UBE3C: variants seen among roughly 807,000 people sequenced by gnomAD.
UBE3C encodes the protein ubiquitin protein ligase E3C.
In UBE3C, 42 loss-of-function variants were observed where a neutral mutation model predicts 129.4. That is an observed-to-expected ratio of 0.32 (90% confidence interval 0.25 to 0.42). The LOEUF is 0.42. Ranked by LOEUF, UBE3C falls within the 10% of genes least tolerant of loss-of-function variation. UBE3C has a pLI of 1.00. For synonymous variants in UBE3C, 510 were observed against 492.4 expected (o/e 1.04, Z -0.47); for missense variants, 1,049 against 1,319.1 (o/e 0.80, Z 3.17).
At chr7:157,234,200 C>T (rs765820654) in intron 18 of UBE3C, among the ~76,000 whole-genome samples, 3 of 152,096 alleles carry the variant, frequency 2.0e-5, no homozygotes, top group Non-Finnish European at 4.4e-5. Context: ...TGAAGTCTAA[C>T]GTGTTTTTTT....
intron 10 of UBE3C, among the ~76,000 whole-genome samples, chr7:157,196,498 T>C (rs1213698451): frequency 5.9e-5 from 9 of 152,228 alleles, no homozygotes; most frequent in Admixed American, 5.9e-4. Flanking sequence ...TACACTAGTC[T>C]TGTTCTGGAG....
chr7:157,216,307 C>G (rs1354526038), intron 13 of UBE3C, among the ~76,000 whole-genome samples: 1 of 150,660 alleles, frequency 6.6e-6, no homozygotes, highest in Admixed American at 6.6e-5. Flanking sequence ...TTAGAGGTAT[C>G]TTTCATTAGA....
chr7:157,205,472 G>A lies in UBE3C; in HGVS notation c.1419-1926G>A, dbSNP rs555434115. 4.6e-5 allele frequency among the ~76,000 whole-genome samples: 7 copies of A among 152,254 alleles called. 1 individual carries two copies. In the South Asian group the frequency reaches 1.5e-3, roughly 32 times the overall value. Reference sequence around the variant, plus strand: ...AGGATTCTTGTCGGGGATAACAGTGGAAAGCAGGCTCATCAAGACGCAGGA... The same window carrying A: ...AGGATTCTTGTCGGGGATAACAGTGAAAAGCAGGCTCATCAAGACGCAGGA... On this transcript the variant is annotated intron_variant, in intron 11 of 22. Coordinates refer to ENST00000348165, the MANE Select transcript of UBE3C (RefSeq NM_014671.3).
intron 10 of UBE3C, among the ~76,000 whole-genome samples, chr7:157,188,459 T>G (rs1297473807): frequency 6.6e-6 from 1 of 152,228 alleles, no homozygotes; most frequent in Non-Finnish European, 1.5e-5. Context: ...CCTTAGCTCT[T>G]TGCCGGCTAA....
intron 2 of UBE3C, chr7:157,164,607 A>ATTT (rs1395520097): frequency 5.6e-6 from 2 of 360,216 alleles, no homozygotes; most frequent in African/African-American, 4.3e-5. Flanking sequence ...AAATAGCTTT[A>ATTT]TTTTGTTGAT....
intron 9 of UBE3C, among the ~76,000 whole-genome samples, chr7:157,185,383 T>C (rs539239456): frequency 6.6e-6 from 1 of 152,370 alleles, no homozygotes; most frequent in East Asian, 1.9e-4. Context: ...TATTCTTTTT[T>C]AATACATAAG....
rs907823535 is a variant in UBE3C, at chr7:157,213,452, A to C, written c.1810-3415A>C. Among the ~76,000 whole-genome samples, 3 of 152,370 alleles carry C rather than the reference A, an allele frequency of 2.0e-5. No homozygotes were observed. In the East Asian group the frequency reaches 5.8e-4, roughly 29 times the overall value. On this transcript the variant is annotated intron_variant, in intron 13 of 22. Coordinates refer to ENST00000348165, the MANE Select transcript of UBE3C (RefSeq NM_014671.3). ...CTCCAGGTGATTCTAAAATGCAGCAAAGGTTAAGAGCCACAGGCCTAACCC... is the reference window on the plus strand; with the variant it reads ...CTCCAGGTGATTCTAAAATGCAGCACAGGTTAAGAGCCACAGGCCTAACCC...
intron 17 of UBE3C, among the ~76,000 whole-genome samples, chr7:157,229,116 C>G (rs1027365386): frequency 1.3e-5 from 2 of 152,192 alleles, no homozygotes; most frequent in African/African-American, 4.8e-5. Context: ...TTGCTTTCCC[C>G]TGACTTCATG....
At chr7:157,250,843 G>C (rs553874960) in intron 19 of UBE3C, among the ~76,000 whole-genome samples, 3 of 152,136 alleles carry the variant, frequency 2.0e-5, no homozygotes, top group Admixed American at 2.0e-4. Flanking sequence ...GCCTTCGGAC[G>C]GTGAGTGTTG....
chr7:157,261,921 C>G (rs977398219), intron 22 of UBE3C, among the ~76,000 whole-genome samples: 4 of 152,062 alleles, frequency 2.6e-5, no homozygotes, highest in African/African-American at 9.7e-5. Context: ...AAAATGGTGC[C>G]CTTGACTCAG....
chr7:157,190,224 A>G (rs1407350292), intron 10 of UBE3C, among the ~76,000 whole-genome samples: 1 of 152,150 alleles, frequency 6.6e-6, no homozygotes, highest in Non-Finnish European at 1.5e-5. Flanking sequence ...TCCAGACACA[A>G]GTGTACCTGC....
chr7:157,261,306 G>GAAAAA (rs57114090), intron 22 of UBE3C, among the ~76,000 whole-genome samples: 15 of 78,028 alleles, frequency 1.9e-4, no homozygotes, highest in Admixed American at 3.4e-4. Flanking sequence ...AACTCTGTCT[G>GAAAAA]AAAAAAAAAA....
rs563225467 is a variant in UBE3C, at chr7:157,144,691, A to T, written c.66+5353A>T. 1.3e-3 allele frequency among the ~76,000 whole-genome samples: 92 copies of T among 72,324 alleles called. 1 individual carries two copies. The highest frequency in any genetic ancestry group is 3.4e-3 in the African/African-American group (57 of 16,664). The allele number at this position is 72,324 out of a possible 152,430, so 47.4% of individuals were successfully genotyped here. ...TTAATGTTTGTCCAGTGCTTTTTTT[A>T]AAAAAAAATAGACTTTATTTTTTAG... On this transcript the variant is annotated intron_variant, in intron 1 of 22. Transcript: ENST00000348165.
intron 11 of UBE3C, 129 bp downstream of exon 11, chr7:157,201,936 C>A: frequency 2.8e-6 from 2 of 716,140 alleles, no homozygotes; most frequent in Non-Finnish European, 2.3e-6. Context: ...AAGGTAAGTT[C>A]CAGATGGTCT....
At chr7:157,205,187 C>T (rs189809584) in intron 11 of UBE3C, among the ~76,000 whole-genome samples, 249 of 152,336 alleles carry the variant, frequency 1.6e-3, no homozygotes, top group Non-Finnish European at 3.0e-3. Context: ...ACCTGTGTCT[C>T]GTTTGTGCCC....
intron 10 of UBE3C, among the ~76,000 whole-genome samples, chr7:157,196,253 G>A (rs1340336186): frequency 1.3e-5 from 2 of 152,180 alleles, no homozygotes; most frequent in Non-Finnish European, 2.9e-5. Flanking sequence ...TAAAAGCACC[G>A]CGAAACCCGT....
chr7:157,147,805 T>C (rs1013568975), intron 1 of UBE3C, among the ~76,000 whole-genome samples: 3 of 152,238 alleles, frequency 2.0e-5, no homozygotes, highest in Non-Finnish European at 4.4e-5. Flanking sequence ...TTATGTGATT[T>C]TCCTTCTGCA....
intron 5 of UBE3C, 94 bp from the exon 6 acceptor site, chr7:157,178,596 T>C: frequency 1.6e-6 from 2 of 1,284,078 alleles, no homozygotes; most frequent in East Asian, 2.4e-5. Context: ...TGTACTGGAA[T>C]AGTTTCTTAA....
chr7:157,184,229 G>A (rs1808748959), intron 9 of UBE3C, among the ~76,000 whole-genome samples, 200 bp downstream of exon 9: 1 of 152,212 alleles, frequency 6.6e-6, no homozygotes, highest in Admixed American at 6.5e-5. Flanking sequence ...GTTCATGGAA[G>A]TGTAAATGGA....
Sources: gnomAD v4.1 joint callset for allele counts (sites outside exome capture counted in the v4.1 genomes callset) on GRCh38, gnomAD v4.1.1 for gene constraint, MANE v1.5 for transcripts, NCBI Gene and HGNC (gene_info 2026-07-23, HGNC 2026-07-21) for gene names.